Variants in JMJD1C observed in about 807,000 individuals in gnomAD.
JMJD1C encodes jumonji domain-containing protein 1C.
Under a neutral mutation model 245.3 loss-of-function variants are expected in JMJD1C, and 31 were observed. The observed-to-expected ratio is 0.13, with a 90% CI of 0.09 to 0.17. The LOEUF is 0.17. Ranked by LOEUF, JMJD1C falls within the 10% of genes least tolerant of loss-of-function variation. JMJD1C has a pLI of 1.00. For missense variants in JMJD1C, 2,691 were observed against 3,000.2 expected (o/e 0.90, Z 2.41); for synonymous variants, 1,057 against 1,017.4 (o/e 1.04, Z -0.74).
chr10:63,514,230 G>T (rs1417741392), intron 1 of JMJD1C, among the ~76,000 whole-genome samples: 1 of 152,146 alleles, frequency 6.6e-6, no homozygotes, highest in Non-Finnish European at 1.5e-5. Flanking sequence ...GGACATTTCT[G>T]AAAGAACTTT....
At chr10:63,301,596 G>T (rs1427574783) in intron 2 of JMJD1C, among the ~76,000 whole-genome samples, 1 of 152,190 alleles carries the variant, frequency 6.6e-6, no homozygotes, top group Non-Finnish European at 1.5e-5. Flanking sequence ...ACTCATAAGT[G>T]GGAGTTGAAC....
chr10:63,367,896 T>C (rs926276003), intron 2 of JMJD1C, among the ~76,000 whole-genome samples: 2 of 152,226 alleles, frequency 1.3e-5, no homozygotes, highest in African/African-American at 4.8e-5. Context: ...TACAGTAGTG[T>C]GTCTCCTTCA....
At chr10:63,299,215 T>G (rs1361520800) in intron 2 of JMJD1C, among the ~76,000 whole-genome samples, 1 of 152,170 alleles carries the variant, frequency 6.6e-6, no homozygotes, top group Admixed American at 6.6e-5. Context: ...AGAGTCTTGC[T>G]CTGTTGCCCA....
At chr10:63,317,536 T>TACACACAC (rs542075558) in intron 2 of JMJD1C, among the ~76,000 whole-genome samples, 4 of 151,348 alleles carry the variant, frequency 2.6e-5, no homozygotes, top group African/African-American at 9.7e-5. Flanking sequence ...CTAAGCCTAC[T>TACACACAC]ACACACACAC....
chr10:63,342,819 A>G (rs148992111), intron 2 of JMJD1C, among the ~76,000 whole-genome samples: 1 of 152,332 alleles, frequency 6.6e-6, no homozygotes, highest in African/African-American at 2.4e-5. Flanking sequence ...CAATAGTGAT[A>G]ATTTTGCTTT....
chr10:63,203,691 G>A (rs1325576336), intron 10 of JMJD1C: 1 of 983,656 alleles, frequency 1.0e-6, no homozygotes, highest in African/African-American at 1.7e-5. Flanking sequence ...CAAAAAGGTA[G>A]CAGAGAGGAA....
intron 1 of JMJD1C, among the ~76,000 whole-genome samples, chr10:63,477,855 ATATT>A (rs1217719373): frequency 3.3e-5 from 5 of 152,206 alleles, no homozygotes; most frequent in African/African-American, 4.8e-5. Context: ...AATATCTAGA[ATATT>A]TAAAGAACTT....
chr10:63,216,112 T>C (rs546942681), intron 5 of JMJD1C, among the ~76,000 whole-genome samples: 17 of 152,248 alleles, frequency 1.1e-4, no homozygotes, highest in Admixed American at 2.6e-4. Flanking sequence ...AAAAATGTGG[T>C]TAAAACTATT....
intron 3 of JMJD1C, chr10:63,222,625 T>G: frequency 6.3e-7 from 1 of 1,585,478 alleles, no homozygotes; most frequent in Non-Finnish European, 8.6e-7. Context: ...ATGCTGAATT[T>G]TTGGACATAA....
At chr10:63,253,103 T>A (rs1163007087) in intron 3 of JMJD1C, among the ~76,000 whole-genome samples, 1 of 152,192 alleles carries the variant, frequency 6.6e-6, no homozygotes, top group African/African-American at 2.4e-5. Flanking sequence ...TAATGATTTA[T>A]CTTAGAGTGA....
chr10:63,336,855 G>GT (rs923868969), intron 2 of JMJD1C, among the ~76,000 whole-genome samples: 1 of 151,872 alleles, frequency 6.6e-6, no homozygotes, highest in African/African-American at 2.4e-5. Context: ...TTTTTTGTTT[G>GT]TTTTTTAAGA....
Position 63,194,266 on chromosome 10 carries a change from C to T in JMJD1C, c.5734+20G>A, listed in dbSNP as rs369168775. On this transcript the variant is annotated intron_variant, in intron 14 of 25. Transcript: ENST00000399262. ...GGAGCAACCAAGAGCAGTTATATTA[C>T]ATGAAGAAGATATACTTACCAGAAC... The T allele has an allele frequency of 2.0e-5, 29 of 1,482,148 alleles. No individual in the cohort carries two copies. The highest frequency in any genetic ancestry group is 1.7e-4 in the Middle Eastern group (1 of 5,872). The allele number at this position is 1,482,148 out of a possible 1,614,324, so 91.8% of individuals were successfully genotyped here. A position where few individuals can be genotyped will look rare whatever the true frequency, so the allele number is the denominator to read the frequency against.
At chr10:63,197,643 T>A in intron 12 of JMJD1C, 80 bp from the exon 13 acceptor site, 2 of 1,324,726 alleles carry the variant, frequency 1.5e-6, no homozygotes, top group Non-Finnish European at 2.0e-6. Flanking sequence ...ACAGAAGAAA[T>A]AAAAATGTAA....
chr10:63,189,336 C>T lies in JMJD1C; in HGVS notation c.6402G>A (p.Glu2134=), dbSNP rs372436233. The T allele has an allele frequency of 7.6e-5, 122 of 1,613,658 alleles. No homozygotes were observed. The highest frequency in any genetic ancestry group is 1.0e-4 in the Non-Finnish European group (120 of 1,179,880). Residue 2134 remains glutamate (E), a synonymous_variant, in exon 18 of 26, where the codon GAG becomes GAA. Transcript: ENST00000399262. The part of the protein sequence containing the change: ...SKTSKINVKP[E]LKEEPEESII... ...TGCTTTCTTCAGGCTCTTCTTTAAGCTCTGGTTTTACATTTATCTTGGAGG... is the reference window on the plus strand; with the variant it reads ...TGCTTTCTTCAGGCTCTTCTTTAAGTTCTGGTTTTACATTTATCTTGGAGG...
chr10:63,206,607 T>C lies in JMJD1C; in HGVS notation c.5062A>G (p.Ser1688Gly), dbSNP rs1011744561. Residue 1688 changes from serine to glycine, a missense_variant, in exon 10 of 26, where the codon AGC becomes GGC. Physicochemically the swap from Ser to Gly is moderately conservative, Grantham distance 56. Coordinates refer to ENST00000399262, the MANE Select transcript of JMJD1C (RefSeq NM_032776.3). ...AKERSKLKLQ[S>G]NSNTGIPRSV... ...GTAACTGACTTACTATTACTGTTGC[T>C]TTGCAACTTCAGTTTACTTCTTTCT... is the stretch of plus-strand genomic sequence containing the variant. 1.6e-5 allele frequency: 25 copies of C among 1,590,236 alleles called. No individual in the cohort carries two copies. Among genetic ancestry groups the C allele is most frequent in the Non-Finnish European group, 2.0e-5 (24 of 1,171,670 alleles).
At chr10:63,447,314 T>G (rs1333333159) in intron 1 of JMJD1C, among the ~76,000 whole-genome samples, 1 of 152,178 alleles carries the variant, frequency 6.6e-6, no homozygotes, top group Non-Finnish European at 1.5e-5. Context: ...CTACAAAGCT[T>G]CTCAGACACC....
At chr10:63,220,177 A>G (rs1268965825) in intron 3 of JMJD1C, among the ~76,000 whole-genome samples, 194 bp from the exon 4 acceptor site, 1 of 152,252 alleles carries the variant, frequency 6.6e-6, no homozygotes, top group African/African-American at 2.4e-5. Flanking sequence ...CTGTGGTAAG[A>G]TTTGACCTTT....
chr10:63,315,210 A>G (rs899126959), intron 2 of JMJD1C, among the ~76,000 whole-genome samples: 1 of 152,118 alleles, frequency 6.6e-6, no homozygotes, highest in African/African-American at 2.4e-5. Context: ...GGTATGAATT[A>G]TCTCATCACC....
chr10:63,335,701 G>C (rs928629276), intron 2 of JMJD1C, among the ~76,000 whole-genome samples: 1 of 152,240 alleles, frequency 6.6e-6, no homozygotes, highest in Non-Finnish European at 1.5e-5. Context: ...AGTACAGACG[G>C]GGTTTCACCA....
Sources: allele counts gnomAD v4.1 joint callset (sites outside exome capture counted in the v4.1 genomes callset), GRCh38; gene constraint gnomAD v4.1.1; transcripts MANE v1.5; gene names NCBI Gene and HGNC (gene_info 2026-07-23, HGNC 2026-07-21).